The following BMPR1B variants were observed in gnomAD, a reference collection of about 807,000 sequenced individuals.
BMPR1B encodes the protein bone morphogenetic protein receptor type-1B.
Under a neutral mutation model 59.1 loss-of-function variants are expected in BMPR1B, and 12 were observed. The ratio of observed to expected loss-of-function variants is 0.20; its 90% CI spans 0.13 to 0.33. BMPR1B has a LOEUF of 0.33. Among genes scored for constraint, BMPR1B ranks in the 10% least tolerant of loss-of-function variants. The probability of loss-of-function intolerance (pLI) is 1.00; values close to 1 mark genes in which losing one functional copy is unlikely to be tolerated. For missense variants in BMPR1B, 550 were observed against 610.9 expected (o/e 0.90, Z 1.05); for synonymous variants, 237 against 207.3 (o/e 1.14, Z -1.23).
intron 3 of BMPR1B, among the ~76,000 whole-genome samples, chr4:95,020,284 A>G (rs371021860): frequency 3.3e-5 from 5 of 152,294 alleles, no homozygotes; most frequent in East Asian, 1.9e-4. Flanking sequence ...AGTCTCCTAC[A>G]AAAAAGAATT....
chr4:95,026,263 T>C (rs1724413162), intron 3 of BMPR1B, among the ~76,000 whole-genome samples: 1 of 151,992 alleles, frequency 6.6e-6, no homozygotes, highest in East Asian at 1.9e-4. Flanking sequence ...TGTGACTTAC[T>C]TGATTCTGAA....
chr4:94,858,047 G>T (rs553273121), intron 1 of BMPR1B, among the ~76,000 whole-genome samples: 3 of 151,988 alleles, frequency 2.0e-5, no homozygotes, highest in Non-Finnish European at 4.4e-5. Context: ...CAGGGTTCAC[G>T]CCATTCTCCT....
Position 94,898,561 on chromosome 4 carries a change from G to A in BMPR1B, c.-113+22661G>A, listed in dbSNP as rs1280715954. On this transcript the variant is annotated intron_variant, in intron 2 of 12. Coordinates refer to ENST00000515059, the MANE Select transcript of BMPR1B (RefSeq NM_001203.3). ...CTTTTTCCTGCCACCATGTGAAGAA[G>A]GACGTGTTTGCTTCCTCTTCCACCA... Among the ~76,000 whole-genome samples, 6 of 152,028 alleles carry A rather than the reference G, an allele frequency of 3.9e-5. No individual in the cohort carries two copies. The East Asian group carries it at 9.7e-4, about 25-fold the overall frequency.
intron 2 of BMPR1B, among the ~76,000 whole-genome samples, chr4:94,892,677 C>T (rs1252676596): frequency 6.6e-6 from 1 of 151,944 alleles, no homozygotes; most frequent in Admixed American, 6.6e-5. Flanking sequence ...CCTTTAAAGA[C>T]CCACAAGCAT....
intron 1 of BMPR1B, among the ~76,000 whole-genome samples, chr4:94,787,179 C>G (rs1722794088): frequency 6.6e-6 from 1 of 152,136 alleles, no homozygotes; most frequent in Non-Finnish European, 1.5e-5. Flanking sequence ...AAAAGACGTA[C>G]TAAAGCATCC....
At chr4:95,007,739 C>T (rs1159964299) in intron 3 of BMPR1B, among the ~76,000 whole-genome samples, 1 of 152,026 alleles carries the variant, frequency 6.6e-6, no homozygotes, top group Non-Finnish European at 1.5e-5. Flanking sequence ...GGTGCAGATC[C>T]CAGAGTGAAA....
chr4:94,771,196 G>A (rs530287905), intron 1 of BMPR1B, among the ~76,000 whole-genome samples: 18 of 152,224 alleles, frequency 1.2e-4, no homozygotes, highest in East Asian at 3.9e-4. Context: ...TAGGCAGTGC[G>A]TAGGCCTGTC....
chr4:95,131,499 G>C lies in BMPR1B; in HGVS notation c.1063G>C (p.Val355Leu), dbSNP rs1224854340. ...CTGTATTGCTGACCTGGGCCTGGCT[G>C]TTAAATTTATTAGGTTAGTATCAAA... Reference protein sequence around the residue: ...TCCIADLGLAVKFISDTNEVD... With the variant: ...TCCIADLGLALKFISDTNEVD... The change falls in exon 10 of 13, where the codon GTT becomes CTT. Residue 355 changes from valine to leucine, a missense_variant. Around this residue, in one of 6 missense-constraint regions of BMPR1B, gnomAD observed 318 missense variants for 284.6 expected, o/e 1.12. Coordinates refer to ENST00000515059, the MANE Select transcript of BMPR1B (RefSeq NM_001203.3). The C allele has an allele frequency of 1.2e-6, 2 of 1,614,016 alleles. No individual in the cohort carries two copies. The highest frequency in any genetic ancestry group is 1.7e-6 in the Non-Finnish European group (2 of 1,179,954).
At chr4:95,087,087 G>A (rs867499711) in intron 3 of BMPR1B, among the ~76,000 whole-genome samples, 8 of 145,460 alleles carry the variant, frequency 5.5e-5, no homozygotes, top group Middle Eastern at 7.3e-3. Flanking sequence ...TCACTTCAGC[G>A]GCACAATTTC....
intron 2 of BMPR1B, among the ~76,000 whole-genome samples, chr4:94,922,645 T>C (rs1578805933): frequency 6.6e-6 from 1 of 152,194 alleles, no homozygotes; most frequent in Non-Finnish European, 1.5e-5. Context: ...ATGATATATA[T>C]TACAATTATC....
rs183915591 is a variant in BMPR1B, at chr4:94,819,536, C to T, written c.-182-56295C>T. Reference sequence around the variant, plus strand: ...CGTAGCCAGTGGAAGTATTTTTAGCCCGGGGTTCTTTCATCAGCCCTCTAG... The same window carrying T: ...CGTAGCCAGTGGAAGTATTTTTAGCTCGGGGTTCTTTCATCAGCCCTCTAG... On this transcript the variant is annotated intron_variant, in intron 1 of 12. Coordinates refer to ENST00000515059, the MANE Select transcript of BMPR1B (RefSeq NM_001203.3). Among the ~76,000 whole-genome samples, 4 of 152,296 alleles carry T rather than the reference C, an allele frequency of 2.6e-5. No homozygotes were observed. The East Asian group carries it at 7.7e-4, about 29-fold the overall frequency.
chr4:95,098,508 G>A (rs1730588993), intron 3 of BMPR1B, among the ~76,000 whole-genome samples: 1 of 151,864 alleles, frequency 6.6e-6, no homozygotes, highest in Admixed American at 6.6e-5. Flanking sequence ...CTCAAATGTG[G>A]AGTACACATG....
At chr4:94,908,092 A>T in intron 2 of BMPR1B, among the ~76,000 whole-genome samples, 1 of 88,988 alleles carries the variant, frequency 1.1e-5, no homozygotes, top group East Asian at 2.3e-4. Context: ...AAAAAAAAAG[A>T]AAAAACAAAA....
chr4:94,774,138 CTCA>C (rs1722284045), intron 1 of BMPR1B, among the ~76,000 whole-genome samples: 1 of 151,978 alleles, frequency 6.6e-6, no homozygotes, highest in Non-Finnish European at 1.5e-5. Context: ...AATTTTTAAT[CTCA>C]TCATGCTTCT....
intron 2 of BMPR1B, among the ~76,000 whole-genome samples, chr4:94,925,564 A>T (rs1416069684): frequency 6.6e-6 from 1 of 152,144 alleles, no homozygotes. Flanking sequence ...CTATTTGTGA[A>T]TTTCACAGAT....
Position 95,130,066 on chromosome 4 carries a change from T to C in BMPR1B, c.778+12T>C, listed in dbSNP as rs764425933. 19 of 1,611,970 alleles carry C rather than the reference T, an allele frequency of 1.2e-5. No homozygotes were observed. The South Asian group carries it at 2.0e-4, about 17-fold the overall frequency. On this transcript the variant is annotated intron_variant, in intron 9 of 12. Transcript: ENST00000515059. ...TGAAAACATTTTGGGTGAGTAAAAGTCTGCATAGCTATGTTCAGGGTTTCC... is the reference window on the plus strand; with the variant it reads ...TGAAAACATTTTGGGTGAGTAAAAGCCTGCATAGCTATGTTCAGGGTTTCC...
chr4:95,154,847 T>A lies in BMPR1B; in HGVS notation c.*174T>A, dbSNP rs1174976767. On this transcript the variant is annotated 3_prime_UTR_variant, in exon 13 of 13. Coordinates refer to ENST00000515059, the MANE Select transcript of BMPR1B (RefSeq NM_001203.3). Reference sequence around the variant, plus strand: ...GCGACCTGGGCAAAGACAGAGAAGCTCCCAGAAGGAGAGATTGATCCATGT... The same window carrying A: ...GCGACCTGGGCAAAGACAGAGAAGCACCCAGAAGGAGAGATTGATCCATGT... 6.1e-6 allele frequency: 5 copies of A among 824,870 alleles called. No individual in the cohort carries two copies. The Admixed American group carries it at 7.1e-5, about 12-fold the overall frequency. The allele number at this position is 824,870 out of a possible 1,614,324, so 51.1% of individuals were successfully genotyped here.
chr4:95,104,299 A>T, intron 3 of BMPR1B, 109 bp from the exon 4 acceptor site: 1 of 1,261,386 alleles, frequency 7.9e-7, no homozygotes, highest in Non-Finnish European at 1.1e-6. Context: ...TTAAATCTTT[A>T]AGTATCTTGA....
intron 1 of BMPR1B, among the ~76,000 whole-genome samples, chr4:94,870,294 A>T (rs533833636): frequency 6.7e-6 from 1 of 150,370 alleles, no homozygotes; most frequent in East Asian, 1.9e-4. Flanking sequence ...TCGTAGTCAT[A>T]CACTAGCTCT....
Sources: allele counts gnomAD v4.1 joint callset (sites outside exome capture counted in the v4.1 genomes callset), GRCh38; gene constraint gnomAD v4.1.1; regional missense constraint gnomAD v4.1.1; transcripts MANE v1.5; gene names NCBI Gene and HGNC (gene_info 2026-07-23, HGNC 2026-07-21).